Variants in MYH3 observed in about 807,000 individuals in gnomAD.
The protein encoded by MYH3 is myosin heavy chain 3.
In MYH3, 130 loss-of-function variants were observed where a neutral mutation model predicts 238.0. The observed-to-expected ratio is 0.55, with a 90% CI of 0.47 to 0.63. The LOEUF (loss-of-function observed/expected upper bound fraction) is 0.63. Among genes scored for constraint, MYH3 ranks in the 30% least tolerant of loss-of-function variants. MYH3 has a pLI of 0.00. For missense variants in MYH3, 1,853 were observed against 2,374.9 expected, an observed-to-expected ratio of 0.78 and a Z score of 4.57; for synonymous variants, 880 against 924.1, an observed-to-expected ratio of 0.95 and a Z score of 0.86.
rs1399671773 is a variant in MYH3, at chr17:10,642,814, G to C, written c.1581+12C>G. On this transcript the variant is annotated intron_variant, in intron 15 of 40. Coordinates refer to ENST00000583535, the MANE Select transcript of MYH3 (RefSeq NM_002470.4). This position sits in a 1 kb window ranked among gnomAD's most constrained non-coding sequence, Gnocchi z 5.4. Reference sequence around the variant, plus strand: ...TATGAGAAGAGCTTACGGTGGGGATGGAACTGGATACCTTCTCGATGAGCT... The same window carrying C: ...TATGAGAAGAGCTTACGGTGGGGATCGAACTGGATACCTTCTCGATGAGCT... The C allele has an allele frequency of 2.5e-6, 4 of 1,614,084 alleles. No homozygotes were observed. Among genetic ancestry groups the C allele is most frequent in the Non-Finnish European group, 3.4e-6 (4 of 1,179,990 alleles).
chr17:10,634,098 C>T lies in MYH3; in HGVS notation c.4441G>A (p.Glu1481Lys). 6.2e-7 allele frequency: 1 copy of T among 1,614,204 alleles called. No individual in the cohort carries two copies. Among genetic ancestry groups the T allele is most frequent in the African/African-American group, 1.3e-5 (1 of 75,050 alleles). ...TAGGCATTTTTCAGTTTGAAGAGCTCAGTGCTCAAGGAGCGGGACTCCTTC... is the reference window on the plus strand; with the variant it reads ...TAGGCATTTTTCAGTTTGAAGAGCTTAGTGCTCAAGGAGCGGGACTCCTTC... ...SLKESRSLST[E>K]LFKLKNAYEE... Residue 1481 changes from glutamate to lysine, a missense_variant, in exon 32 of 41, where the codon GAG becomes AAG. Transcript: ENST00000583535.
At chr17:10,674,568 AGGG>A in the MYH3 span, 1 of 162,934 alleles carries the variant, frequency 6.1e-6, no homozygotes, top group Non-Finnish European at 1.3e-5. Context: ...AAGGCTGTAG[AGGG>A]AGTCTGAGTA....
At chr17:10,675,048 A>C in the MYH3 span, 4 of 152,312 alleles carry the variant, frequency 2.6e-5, no homozygotes, top group African/African-American at 9.6e-5. Flanking sequence ...CCAGGGCCCT[A>C]GAAGTCTCTA....
intron 3 of MYH3, 108 bp from the exon 4 acceptor site, chr17:10,652,671 G>A (rs1272253153): frequency 4.8e-6 from 6 of 1,261,156 alleles, no homozygotes; most frequent in Non-Finnish European, 6.5e-6. Context: ...GCCCAGGCTG[G>A]AGTGCAGTGA....
intron 36 of MYH3, among the ~76,000 whole-genome samples, chr17:10,631,087 T>C (rs1028547441): frequency 6.6e-6 from 1 of 152,192 alleles, no homozygotes; most frequent in African/African-American, 2.4e-5. Context: ...ACCACCAATA[T>C]ATATTTTCAA....
the MYH3 span, among the ~76,000 whole-genome samples, chr17:10,663,560 G>A: frequency 2.0e-5 from 3 of 152,140 alleles, no homozygotes; most frequent in Admixed American, 2.0e-4. Flanking sequence ...GGAAAGCTGT[G>A]GTACAGGGAA....
the MYH3 span, chr17:10,677,266 C>T: frequency 6.6e-6 from 1 of 152,126 alleles, no homozygotes; most frequent in Non-Finnish European, 1.5e-5. Context: ...AAGATTATGC[C>T]ATTATTGCAT....
chr17:10,630,167 T>C lies in MYH3; in HGVS notation c.5487A>G (p.Gly1829=), dbSNP rs768976006. Residue 1829 remains glycine, a synonymous_variant, in exon 38 of 41, where the codon GGA becomes GGG. Coordinates refer to ENST00000583535, the MANE Select transcript of MYH3 (RefSeq NM_002470.4). ...RIRELEFELE[G]EQKKNTESVK... is the part of the protein sequence containing the mutation. ...CAGACTCTGTGTTCTTCTTCTGCTC[T>C]CCCTCAAGTTCAAACTCCAGCTCTC... is the stretch of plus-strand genomic sequence containing the variant. 6.2e-7 allele frequency: 1 copy of C among 1,614,146 alleles called. No homozygotes were observed.
Position 10,629,832 on chromosome 17 carries a change from T to G in MYH3, c.5658+10A>C. Reference sequence around the variant, plus strand: ...GTCTGCCTGCCGCAGTCAGCACCTATCTCACTTACAGCCTCCTCCGCCTGC... The same window carrying G: ...GTCTGCCTGCCGCAGTCAGCACCTAGCTCACTTACAGCCTCCTCCGCCTGC... On this transcript the variant is annotated intron_variant, in intron 39 of 40. Coordinates refer to ENST00000583535, the MANE Select transcript of MYH3 (RefSeq NM_002470.4). 6.2e-7 allele frequency: 1 copy of G among 1,614,014 alleles called. No homozygotes were observed. Among genetic ancestry groups the G allele is most frequent in the South Asian group, 1.1e-5 (1 of 91,076 alleles).
At chr17:10,628,723 A>C in intron 40 of MYH3, 44 bp from the exon 41 acceptor site, 1 of 1,604,058 alleles carries the variant, frequency 6.2e-7, no homozygotes, top group Non-Finnish European at 8.5e-7. Flanking sequence ...GGTGGCAGAG[A>C]CACATTCCCA....
the MYH3 span, among the ~76,000 whole-genome samples, chr17:10,666,445 A>G: frequency 6.8e-6 from 1 of 146,868 alleles, no homozygotes; most frequent in Admixed American, 6.8e-5. Flanking sequence ...ATGGTGGTGC[A>G]TGCCTACAGT....
At chr17:10,651,401 T>C in intron 5 of MYH3, 111 bp downstream of exon 5, 14 of 1,584,356 alleles carry the variant, frequency 8.8e-6, no homozygotes, top group Non-Finnish European at 1.1e-5. Flanking sequence ...TTCTTCCTCC[T>C]TTCCCTGTGC....
At chr17:10,635,895 A>G (rs1332892528) in intron 28 of MYH3, 42 bp from the exon 29 acceptor site, 1 of 1,520,884 alleles carries the variant, frequency 6.6e-7, no homozygotes, top group South Asian at 1.1e-5. Context: ...TTATTCACTC[A>G]TTCACTCACC....
chr17:10,652,968 T>C (rs576277054), intron 3 of MYH3, among the ~76,000 whole-genome samples: 1 of 152,100 alleles, frequency 6.6e-6, no homozygotes, highest in Non-Finnish European at 1.5e-5. Flanking sequence ...CAAGAGACTC[T>C]TGAGCCGAGA....
At chr17:10,660,199 G>A (rs929455683), upstream of MYH3, among the ~76,000 whole-genome samples, 1 of 152,174 alleles carries the variant, frequency 6.6e-6, no homozygotes, top group Non-Finnish European at 1.5e-5. Flanking sequence ...TCCCAACATC[G>A]CACACACCAT....
chr17:10,630,544 A>G lies in MYH3; in HGVS notation c.5287-86T>C, dbSNP rs532676360. On this transcript the variant is annotated intron_variant, in intron 36 of 40. Transcript: ENST00000583535. ...AAACCTGGGGACCTCGGAGGACCAGAGACCATGCTAAAGAAAAAGGACAGG... is the reference window on the plus strand; with the variant it reads ...AAACCTGGGGACCTCGGAGGACCAGGGACCATGCTAAAGAAAAAGGACAGG... The G allele has an allele frequency of 5.1e-5, 81 of 1,585,754 alleles. No homozygotes were observed. In the South Asian group the frequency reaches 6.4e-4, roughly 13 times the overall value.
intron 36 of MYH3, among the ~76,000 whole-genome samples, chr17:10,631,310 G>C (rs191789782): frequency 2.4e-4 from 36 of 152,340 alleles, no homozygotes; most frequent in African/African-American, 8.4e-4. Flanking sequence ...AAAAATGTGT[G>C]GGATATTAAC....
chr17:10,672,103 C>G, the MYH3 span, among the ~76,000 whole-genome samples: 14 of 152,090 alleles, frequency 9.2e-5, no homozygotes, highest in African/African-American at 3.4e-4. Context: ...TTCTGAACCT[C>G]CAGAGAAAGA....
chr17:10,630,399 C>G lies in MYH3; in HGVS notation c.5346G>C (p.Arg1782=), dbSNP rs1443387903. ...CCGTCTGTTCCAGGTTCTTCTTCATCCGCTCAAGGTGGGCGCTGGTGTCCT... is the reference window on the plus strand; with the variant it reads ...CCGTCTGTTCCAGGTTCTTCTTCATGCGCTCAAGGTGGGCGCTGGTGTCCT... ...KEQDTSAHLE[R]MKKNLEQTVK... is the part of the protein sequence containing the mutation. The change falls in exon 37 of 41, where the codon CGG becomes CGC. Residue 1782 remains arginine, a synonymous_variant. Coordinates refer to ENST00000583535, the MANE Select transcript of MYH3 (RefSeq NM_002470.4). 1 of 1,614,202 alleles carries G rather than the reference C, an allele frequency of 6.2e-7. No homozygotes were observed. Among genetic ancestry groups the G allele is most frequent in the Non-Finnish European group, 8.5e-7 (1 of 1,180,042 alleles).
Sources: allele counts gnomAD v4.1 joint callset (sites outside exome capture counted in the v4.1 genomes callset), GRCh38; gene constraint gnomAD v4.1.1; non-coding constraint Gnocchi (gnomAD v3.1); transcripts MANE v1.5; gene names NCBI Gene and HGNC (gene_info 2026-07-23, HGNC 2026-07-21).